The following SETBP1 variants were observed in gnomAD, a reference collection of about 807,000 sequenced individuals.
SETBP1 encodes the protein SET-binding protein.
A neutral mutation model predicts 101.0 loss-of-function variants in SETBP1; 9 were observed. The ratio of observed to expected loss-of-function variants is 0.09; its 90% CI spans 0.05 to 0.16. SETBP1 has a LOEUF of 0.16. SETBP1 is among the 10% of genes least tolerant of loss of function. The probability of loss-of-function intolerance (pLI) is 1.00; values close to 1 mark genes in which losing one functional copy is unlikely to be tolerated. For synonymous variants in SETBP1, 818 were observed against 788.5 expected (o/e 1.04, Z -0.63); for missense variants, 1,858 against 2,033.8 (o/e 0.91, Z 1.66).
At chr18:44,686,156 T>C (rs1277648133) in intron 1 of SETBP1, among the ~76,000 whole-genome samples, 1 of 152,238 alleles carries the variant, frequency 6.6e-6, no homozygotes, top group Non-Finnish European at 1.5e-5. Flanking sequence ...CAGTAAGTTC[T>C]CCAGAATCAG....
At chr18:44,937,356 G>A (rs1238468754) in intron 3 of SETBP1, among the ~76,000 whole-genome samples, 3 of 150,254 alleles carry the variant, frequency 2.0e-5, no homozygotes, top group Non-Finnish European at 3.0e-5. Context: ...TTGGGAGGCT[G>A]AGGCAGGAGA....
At chr18:44,789,685 T>C (rs1183910863) in intron 2 of SETBP1, among the ~76,000 whole-genome samples, 1 of 152,244 alleles carries the variant, frequency 6.6e-6, no homozygotes, top group Non-Finnish European at 1.5e-5. Flanking sequence ...TTTTATTTTC[T>C]GATGATTTTT....
chr18:44,997,927 C>T (rs1317566265), intron 4 of SETBP1, among the ~76,000 whole-genome samples: 1 of 152,172 alleles, frequency 6.6e-6, no homozygotes, highest in Non-Finnish European at 1.5e-5. Context: ...TGAGGTTTCC[C>T]CTGCTACTTT....
At chr18:44,773,346 CA>C (rs1290166344) in intron 2 of SETBP1, among the ~76,000 whole-genome samples, 8 of 152,084 alleles carry the variant, frequency 5.3e-5, no homozygotes, top group Admixed American at 4.6e-4. Flanking sequence ...TGAAACCTAC[CA>C]GTGGGCCTTA....
chr18:45,033,631 C>T (rs1162853537), intron 4 of SETBP1, among the ~76,000 whole-genome samples: 3 of 152,228 alleles, frequency 2.0e-5, no homozygotes, highest in Non-Finnish European at 4.4e-5. Flanking sequence ...GAAATATCTA[C>T]ATTTGCAAAT....
In SETBP1 at chr18:44,953,148, G is replaced by A. The variant is rs142834327; in HGVS notation, c.3808G>A (p.Gly1270Ser). 133 of 1,614,082 alleles carry A rather than the reference G, an allele frequency of 8.2e-5. 1 individual carries two copies. The African/African-American group carries it at 1.6e-3, about 19-fold the overall frequency. Residue 1270 changes from glycine to serine, a missense_variant, in exon 4 of 6, where the codon GGT becomes AGT. This residue lies in a region of SETBP1 where 417 missense variants were observed against 389.1 expected (regional missense o/e 1.07). Coordinates refer to ENST00000649279, the MANE Select transcript of SETBP1 (RefSeq NM_015559.3). ...AAGATACTCTGGCAGTGGCGGGGATGGTGGCAGCACGAGATCAGAGAACCT... is the reference window on the plus strand; with the variant it reads ...AAGATACTCTGGCAGTGGCGGGGATAGTGGCAGCACGAGATCAGAGAACCT... ...TKRYSGSGGD[G>S]GSTRSENLDV...
chr18:44,894,806 A>G (rs538071121), intron 3 of SETBP1, among the ~76,000 whole-genome samples: 8 of 151,936 alleles, frequency 5.3e-5, no homozygotes, highest in South Asian at 2.1e-4. Context: ...CATTGTAAAC[A>G]GAAGACAATT....
intron 4 of SETBP1, among the ~76,000 whole-genome samples, chr18:44,970,741 G>A (rs1352668921): frequency 6.6e-6 from 1 of 152,108 alleles, no homozygotes; most frequent in Non-Finnish European, 1.5e-5. Context: ...AGTAGAGACA[G>A]GGTTTCACCA....
At chr18:44,726,220 T>C (rs2069703894) in intron 2 of SETBP1, among the ~76,000 whole-genome samples, 1 of 152,222 alleles carries the variant, frequency 6.6e-6, no homozygotes, top group African/African-American at 2.4e-5. Flanking sequence ...TAAGTGACAT[T>C]TCAAGCCTTC....
chr18:44,901,554 G>A (rs1250558951), intron 3 of SETBP1, among the ~76,000 whole-genome samples: 17 of 152,152 alleles, frequency 1.1e-4, no homozygotes, highest in Admixed American at 1.1e-3. Flanking sequence ...TGGGTATGAT[G>A]GGAGGTAGGG....
intron 3 of SETBP1, among the ~76,000 whole-genome samples, chr18:44,904,766 C>A (rs1000829045): frequency 6.6e-6 from 1 of 152,136 alleles, no homozygotes; most frequent in African/African-American, 2.4e-5. Context: ...GCTCCTTCTA[C>A]CTCATGGTTC....
In SETBP1 at chr18:44,881,329, G is replaced by C. The variant is rs1414855602; in HGVS notation, c.540+12046G>C. On this transcript the variant is annotated intron_variant, in intron 3 of 5. Transcript: ENST00000649279. Reference sequence around the variant, plus strand: ...GGTTTATTGGCATCTTGTGAACAATGACCTAAGGCAGGGGTGGGTAAGAGG... The same window carrying C: ...GGTTTATTGGCATCTTGTGAACAATCACCTAAGGCAGGGGTGGGTAAGAGG... Among the ~76,000 whole-genome samples the C allele has an allele frequency of 2.0e-5, 3 of 152,132 alleles. No homozygotes were observed. In the East Asian group the frequency reaches 5.8e-4, roughly 29 times the overall value.
intron 4 of SETBP1, among the ~76,000 whole-genome samples, chr18:44,999,578 A>C (rs910949290): frequency 5.9e-5 from 9 of 152,232 alleles, no homozygotes; most frequent in Admixed American, 3.9e-4. Context: ...CTTTGTCCAC[A>C]TAGGCACAAT....
chr18:44,816,633 A>T (rs572805719), intron 2 of SETBP1, among the ~76,000 whole-genome samples: 1 of 152,266 alleles, frequency 6.6e-6, no homozygotes, highest in South Asian at 2.1e-4. Context: ...CTTTCCGTGA[A>T]TGAGTCCTCA....
Position 44,950,083 on chromosome 18 carries a change from C to T in SETBP1, c.743C>T (p.Thr248Ile). The T allele has an allele frequency of 6.2e-7, 1 of 1,614,184 alleles. No homozygotes were observed. The highest frequency in any genetic ancestry group is 8.5e-7 in the Non-Finnish European group (1 of 1,180,046). The change falls in exon 4 of 6, where the codon ACC (threonine) becomes ATC (isoleucine). Residue 248 changes from threonine (T) to isoleucine (I), a missense_variant. This residue lies in a region of SETBP1 where 581 missense variants were observed against 535.1 expected (regional missense o/e 1.09). Transcript: ENST00000649279. ...SPESGRETAS[T>I]SKIPALEPVA... ...GAGTCTGGCAGAGAAACTGCAAGCA[C>T]CAGCAAGATCCCCGCTCTTGAGCCC...
intron 4 of SETBP1, among the ~76,000 whole-genome samples, chr18:44,973,385 A>G (rs7235754): frequency 0.3 from 45,775 of 151,982 alleles, 8,151 homozygotes; most frequent in East Asian, 0.55. Flanking sequence ...GGATAATGCT[A>G]GCCTCAAACA....
At chr18:44,899,843 A>G (rs779599703) in intron 3 of SETBP1, among the ~76,000 whole-genome samples, 10 of 152,188 alleles carry the variant, frequency 6.6e-5, no homozygotes, top group Non-Finnish European at 1.5e-4. Flanking sequence ...TTTTAAGTAT[A>G]AGATATTTAA....
chr18:45,011,325 G>A (rs949160352), intron 4 of SETBP1, among the ~76,000 whole-genome samples: 7 of 152,146 alleles, frequency 4.6e-5, no homozygotes, highest in African/African-American at 9.7e-5. Flanking sequence ...CAGCAAGATC[G>A]TCTAGATAAA....
intron 2 of SETBP1, among the ~76,000 whole-genome samples, chr18:44,729,165 G>T (rs1185487458): frequency 6.6e-6 from 1 of 152,180 alleles, no homozygotes; most frequent in Non-Finnish European, 1.5e-5. Context: ...TTCACTTTGA[G>T]TCACTGTTCT....
Sources: gnomAD v4.1 joint callset for allele counts (sites outside exome capture counted in the v4.1 genomes callset) on GRCh38, gnomAD v4.1.1 for gene constraint, gnomAD v4.1.1 regional missense constraint, MANE v1.5 for transcripts, NCBI Gene and HGNC (gene_info 2026-07-23, HGNC 2026-07-21) for gene names.